The following AGTPBP1 variants were observed in gnomAD, a reference collection of about 807,000 sequenced individuals.
AGTPBP1 encodes the protein ATP/GTP binding carboxypeptidase 1.
Under a neutral mutation model 143.9 loss-of-function variants are expected in AGTPBP1, and 70 were observed. The observed-to-expected ratio is 0.49, with a 90% confidence interval of 0.40 to 0.59. The LOEUF (loss-of-function observed/expected upper bound fraction) is 0.59, where lower values mean the gene tolerates loss of function less well. Ranked by LOEUF, AGTPBP1 falls within the 20% of genes least tolerant of loss-of-function variation. AGTPBP1 has a pLI of 0.00. For synonymous variants in AGTPBP1, 463 were observed against 500.2 expected (o/e 0.93, Z 0.99); for missense variants, 1,229 against 1,464.5 (o/e 0.84, Z 2.62).
intron 17 of AGTPBP1, among the ~76,000 whole-genome samples, chr9:85,604,195 C>A (rs771971911): frequency 1.6e-4 from 25 of 152,146 alleles, no homozygotes; most frequent in Non-Finnish European, 3.2e-4. Flanking sequence ...TGTGTCTGAC[C>A]CAGTATAGTA....
intron 1 of AGTPBP1, among the ~76,000 whole-genome samples, chr9:85,723,834 A>G (rs926045487): frequency 6.6e-6 from 1 of 152,144 alleles, no homozygotes; most frequent in Admixed American, 6.5e-5. Flanking sequence ...CTCTGGGTTG[A>G]CTGTCCTTCT....
the AGTPBP1 span, among the ~76,000 whole-genome samples, chr9:85,769,928 A>G: frequency 1.3e-5 from 2 of 152,168 alleles, no homozygotes; most frequent in Non-Finnish European, 2.9e-5. Context: ...GCTTTGTTCA[A>G]GTATATTCCG....
chr9:85,567,114 G>A (rs1163674906), intron 25 of AGTPBP1, among the ~76,000 whole-genome samples: 1 of 152,120 alleles, frequency 6.6e-6, no homozygotes, highest in Non-Finnish European at 1.5e-5. Flanking sequence ...GAGGTTACGG[G>A]GAGAGGCTTG....
At chr9:85,635,158 T>C (rs1483609379) in intron 13 of AGTPBP1, among the ~76,000 whole-genome samples, 1 of 152,232 alleles carries the variant, frequency 6.6e-6, no homozygotes, top group Non-Finnish European at 1.5e-5. Flanking sequence ...TGTATACACA[T>C]ACATACATGA....
upstream of AGTPBP1, among the ~76,000 whole-genome samples, chr9:85,745,359 G>C (rs1240304846): frequency 6.6e-6 from 1 of 152,210 alleles, no homozygotes; most frequent in South Asian, 2.1e-4. Context: ...TCTGGAGTTA[G>C]AGGATTGATT....
rs867029311 is a variant in AGTPBP1 at position 85,550,197 on chromosome 9, G to A, written c.3504-2911C>T. On this transcript the variant is annotated intron_variant, in intron 25 of 25. Transcript: ENST00000357081. ...AGTTTGTGAGTGTGTGTGTGTGTGA[G>A]AGAGAGAGAGAGAGAGAGAGAAAGA... is the stretch of plus-strand genomic sequence containing the variant. Among the ~76,000 whole-genome samples, 84 of 146,644 alleles carry A rather than the reference G, an allele frequency of 5.7e-4. 1 individual carries two copies. The highest frequency in any genetic ancestry group is 7.0e-3 in the Middle Eastern group (2 of 286).
chr9:85,573,457 C>A (rs990541745), intron 25 of AGTPBP1, among the ~76,000 whole-genome samples: 3 of 152,194 alleles, frequency 2.0e-5, no homozygotes, highest in African/African-American at 4.8e-5. Context: ...CCCGCTACAA[C>A]CTCCACCTCC....
chr9:85,628,768 C>T (rs1220393936), intron 14 of AGTPBP1, among the ~76,000 whole-genome samples: 1 of 152,096 alleles, frequency 6.6e-6, no homozygotes, highest in African/African-American at 2.4e-5. Context: ...AGCTGGAGTG[C>T]GGTGGCACGA....
chr9:85,689,706 C>T (rs1835717792), intron 3 of AGTPBP1, among the ~76,000 whole-genome samples: 1 of 151,318 alleles, frequency 6.6e-6, no homozygotes, highest in Non-Finnish European at 1.5e-5. Context: ...ACCAGCCTGG[C>T]CAACATGGTG....
the AGTPBP1 span, among the ~76,000 whole-genome samples, chr9:85,762,574 G>A: frequency 6.8e-5 from 10 of 146,290 alleles, no homozygotes; most frequent in African/African-American, 2.0e-4. Context: ...TGAACAATGC[G>A]AACACTTGGA....
At chr9:85,682,229 T>C (rs79380013) in intron 3 of AGTPBP1, among the ~76,000 whole-genome samples, 3,344 of 149,616 alleles carry the variant, frequency 0.022, 113 homozygotes, top group African/African-American at 0.071. Context: ...TGAAGGTTTC[T>C]AGAGCTTCTC....
At chr9:85,792,581 T>C in the AGTPBP1 span, among the ~76,000 whole-genome samples, 1 of 152,232 alleles carries the variant, frequency 6.6e-6, no homozygotes, top group African/African-American at 2.4e-5. Flanking sequence ...ATTTTATTAA[T>C]AGAGTACATT....
upstream of AGTPBP1, among the ~76,000 whole-genome samples, chr9:85,746,142 G>A (rs1427860614): frequency 6.6e-6 from 1 of 151,950 alleles, no homozygotes; most frequent in African/African-American, 2.4e-5. Flanking sequence ...GTATATAGAC[G>A]TCATACCTGA....
intron 14 of AGTPBP1, among the ~76,000 whole-genome samples, chr9:85,629,390 A>C (rs549054709): frequency 1.3e-5 from 2 of 152,356 alleles, no homozygotes; most frequent in African/African-American, 4.8e-5. Flanking sequence ...AAGACAGAGA[A>C]GGTTGGAGAA....
At chr9:85,693,389 T>A (rs1385885183) in intron 2 of AGTPBP1, among the ~76,000 whole-genome samples, 1 of 152,086 alleles carries the variant, frequency 6.6e-6, no homozygotes, top group African/African-American at 2.4e-5. Context: ...TCACTTGAGG[T>A]CAGTTTGAGA....
At chr9:85,674,010 C>T (rs1441586255) in intron 6 of AGTPBP1, among the ~76,000 whole-genome samples, 1 of 151,034 alleles carries the variant, frequency 6.6e-6, no homozygotes, top group Non-Finnish European at 1.5e-5. Context: ...GCAGTCCCAA[C>T]TACTCTGGAG....
At chr9:85,774,387 A>G in the AGTPBP1 span, among the ~76,000 whole-genome samples, 1 of 152,148 alleles carries the variant, frequency 6.6e-6, no homozygotes, top group South Asian at 2.1e-4. Flanking sequence ...ATATAATACT[A>G]TCATATTTAA....
chr9:85,603,055 T>C (rs978087137), intron 17 of AGTPBP1, among the ~76,000 whole-genome samples: 1 of 152,166 alleles, frequency 6.6e-6, no homozygotes, highest in African/African-American at 2.4e-5. Context: ...CACTCTGGCG[T>C]CCTACATAAA....
intron 2 of AGTPBP1, among the ~76,000 whole-genome samples, chr9:85,697,181 C>CA (rs1284655774): frequency 1.3e-5 from 2 of 151,718 alleles, no homozygotes; most frequent in African/African-American, 2.4e-5. Context: ...ACAACACACA[C>CA]AAAAAAATGT....
Sources: gnomAD v4.1 joint callset for allele counts (sites outside exome capture counted in the v4.1 genomes callset) on GRCh38, gnomAD v4.1.1 for gene constraint, MANE v1.5 for transcripts, NCBI Gene and HGNC (gene_info 2026-07-23, HGNC 2026-07-21) for gene names.